Variants in SYBU observed in about 807,000 individuals in gnomAD.
The protein encoded by SYBU is syntabulin.
In SYBU, 21 loss-of-function variants were observed where a neutral mutation model predicts 35.9. That is an observed-to-expected ratio of 0.58 (90% confidence interval 0.41 to 0.84). The LOEUF is 0.84. Among genes scored for constraint, SYBU ranks in the 40% least tolerant of loss-of-function variants. The probability of loss-of-function intolerance (pLI) is 0.00; values close to 1 mark genes in which losing one functional copy is unlikely to be tolerated. For synonymous variants in SYBU, 319 were observed against 324.3 expected, an observed-to-expected ratio of 0.98 and a Z score of 0.18; for missense variants, 768 against 848.2, an observed-to-expected ratio of 0.91 and a Z score of 1.17.
At chr8:109,608,486 C>T (rs918609612) in intron 3 of SYBU, among the ~76,000 whole-genome samples, 3 of 152,096 alleles carry the variant, frequency 2.0e-5, no homozygotes, top group Non-Finnish European at 4.4e-5. Context: ...TGACAATTCA[C>T]AACACTGCCC....
upstream of SYBU, among the ~76,000 whole-genome samples, chr8:109,681,288 T>C (rs1458128303): frequency 6.6e-6 from 1 of 152,158 alleles, no homozygotes; most frequent in Non-Finnish European, 1.5e-5. Flanking sequence ...GAGAAAGAAA[T>C]ACCTTAGGGG....
intron 2 of SYBU, among the ~76,000 whole-genome samples, chr8:109,625,630 C>G (rs60241963): frequency 0.054 from 8,269 of 152,142 alleles, 761 homozygotes; most frequent in African/African-American, 0.19. Flanking sequence ...CTTTGTTGGC[C>G]AGGCTGGTCT....
chr8:109,662,454 A>G (rs556173072), intron 1 of SYBU, among the ~76,000 whole-genome samples: 6 of 152,098 alleles, frequency 3.9e-5, no homozygotes, highest in Non-Finnish European at 8.8e-5. Context: ...GCTCCTCTCA[A>G]AAACTACTCC....
Position 109,574,644 on chromosome 8 carries a change from C to T in SYBU, c.*262G>A, listed in dbSNP as rs572550682. On this transcript the variant is annotated 3_prime_UTR_variant, in exon 7 of 7. Transcript: ENST00000276646. ...TCTTCCTGAACCACTAGGATAAGAACGGGTACCTCAGACGACACGGCAGGG... is the reference window on the plus strand; with the variant it reads ...TCTTCCTGAACCACTAGGATAAGAATGGGTACCTCAGACGACACGGCAGGG... 5.6e-5 allele frequency: 20 copies of T among 358,568 alleles called. No homozygotes were observed. In the East Asian group the frequency reaches 7.5e-4, roughly 14 times the overall value. The allele number at this position is 358,568 out of a possible 1,614,324, so 22.2% of individuals were successfully genotyped here. A position where few individuals can be genotyped will look rare whatever the true frequency, so the allele number is the denominator to read the frequency against.
chr8:109,651,004 G>A (rs1207320857), intron 1 of SYBU, among the ~76,000 whole-genome samples: 1 of 152,116 alleles, frequency 6.6e-6, no homozygotes, highest in African/African-American at 2.4e-5. Context: ...ATTCTAAGTG[G>A]CATATGGCAA....
chr8:109,673,301 G>T (rs183139294), intron 1 of SYBU, among the ~76,000 whole-genome samples: 2 of 152,106 alleles, frequency 1.3e-5, no homozygotes, highest in African/African-American at 4.8e-5. Flanking sequence ...GGCATTTGGC[G>T]GGTGCCCCTC....
chr8:109,641,943 C>A (rs531341481), intron 2 of SYBU, among the ~76,000 whole-genome samples: 3 of 152,282 alleles, frequency 2.0e-5, no homozygotes, highest in African/African-American at 7.2e-5. Context: ...ACCTAGCAAT[C>A]CCATTACTGG....
At chr8:109,641,777 T>A (rs189812781) in intron 2 of SYBU, among the ~76,000 whole-genome samples, 1 of 152,230 alleles carries the variant, frequency 6.6e-6, no homozygotes, top group East Asian at 1.9e-4. Flanking sequence ...AGTCATAGAA[T>A]GGCAGTAATT....
At position 109,691,262 on chromosome 8, in the gene SYBU, G is replaced by A. The variant is rs1817638249; in HGVS notation, c.-58+71C>T. The A allele has an allele frequency of 1.4e-6, 1 of 694,496 alleles. No individual in the cohort carries two copies. The highest frequency in any genetic ancestry group is 2.8e-5 in the East Asian group (1 of 36,224). 43.0% of individuals were successfully genotyped at this position (694,496 alleles called of 1,614,324 possible). ...GCCCCATCACTGCCCTCATTGTACC[G>A]AAGACCATCAGTTGCCCTCCCGTGT... On this transcript the variant is annotated intron_variant, in intron 1 of 7. Coordinates refer to the SYBU transcript ENST00000422135. The surrounding 1 kb of genome is among the most constrained non-coding windows in gnomAD (Gnocchi z 4.7).
intron 3 of SYBU, among the ~76,000 whole-genome samples, chr8:109,609,943 C>G (rs1012235870): frequency 6.6e-6 from 1 of 152,090 alleles, no homozygotes; most frequent in African/African-American, 2.4e-5. Flanking sequence ...TCTACAGAGT[C>G]GTCAGAGGGA....
chr8:109,650,820 T>C (rs1274855741), intron 1 of SYBU, among the ~76,000 whole-genome samples: 1 of 152,230 alleles, frequency 6.6e-6, no homozygotes, highest in Non-Finnish European at 1.5e-5. Flanking sequence ...AACTATTTTT[T>C]TCTTAAAAAA....
At chr8:109,666,249 A>G (rs1227644005) in intron 1 of SYBU, among the ~76,000 whole-genome samples, 1 of 152,126 alleles carries the variant, frequency 6.6e-6, no homozygotes, top group African/African-American at 2.4e-5. Flanking sequence ...TTTATTCCTG[A>G]GTTTCTGAAC....
intron 1 of SYBU, among the ~76,000 whole-genome samples, chr8:109,679,973 T>C (rs1055184644): frequency 6.6e-6 from 1 of 152,144 alleles, no homozygotes. Flanking sequence ...ATGTATATAC[T>C]TGATAGTTTA....
chr8:109,618,869 C>T lies in SYBU; in HGVS notation c.400G>A (p.Glu134Lys), dbSNP rs1812116056. 2 of 1,614,146 alleles carry T rather than the reference C, an allele frequency of 1.2e-6. No homozygotes were observed. The highest frequency in any genetic ancestry group is 2.2e-5 in the East Asian group (1 of 44,876). The change falls in exon 3 of 7, where the codon GAA becomes AAA. Residue 134 changes from glutamate to lysine, a missense_variant. Transcript: ENST00000276646. ...GGTTTCACAAGGCCTGACTTTGATT[C>T]CTTCTTATATCGAGAGGACTGAATG... ...GSIQSSRYKK[E>K]SKSGLVKPGS...
upstream of SYBU, among the ~76,000 whole-genome samples, chr8:109,649,394 A>C (rs1252973860): frequency 6.6e-6 from 1 of 151,846 alleles, no homozygotes; most frequent in East Asian, 1.9e-4. Flanking sequence ...GCACAAGATC[A>C]CTCCCCCAGG....
At chr8:109,580,184 T>G in intron 4 of SYBU, 182 bp from the exon 5 acceptor site, 1 of 593,794 alleles carries the variant, frequency 1.7e-6, no homozygotes. Flanking sequence ...TCTCTCCTTG[T>G]GACATCAGCA....
chr8:109,598,487 T>C (rs982373410), intron 3 of SYBU, among the ~76,000 whole-genome samples: 1 of 152,206 alleles, frequency 6.6e-6, no homozygotes, highest in Admixed American at 6.5e-5. Context: ...GTTTACTCAC[T>C]GTAAAAAGGG....
chr8:109,623,168 C>T (rs13254530), intron 2 of SYBU, among the ~76,000 whole-genome samples: 40,222 of 152,088 alleles, frequency 0.26, 5,552 homozygotes, highest in East Asian at 0.41. Context: ...GTGTGATCCA[C>T]TTGAAAATAT....
intron 1 of SYBU, among the ~76,000 whole-genome samples, chr8:109,669,038 A>G (rs2130759023): frequency 6.6e-6 from 1 of 152,316 alleles, no homozygotes; most frequent in East Asian, 1.9e-4. Context: ...CTGACACTGA[A>G]TTACTTTAAA....
Sources: allele counts gnomAD v4.1 joint callset (sites outside exome capture counted in the v4.1 genomes callset), GRCh38; gene constraint gnomAD v4.1.1; non-coding constraint Gnocchi (gnomAD v3.1); transcripts MANE v1.5; gene names NCBI Gene and HGNC (gene_info 2026-07-23, HGNC 2026-07-21).